The following NCAPH variants were observed in gnomAD, a reference collection of about 807,000 sequenced individuals.
NCAPH encodes the protein non-SMC condensin I complex subunit H, also known as condensin complex subunit 2.
A neutral mutation model predicts 85.5 loss-of-function variants in NCAPH; 38 were observed. The ratio of observed to expected loss-of-function variants is 0.44; its 90% CI spans 0.34 to 0.58. The LOEUF is 0.58. Among genes scored for constraint, NCAPH ranks in the 20% least tolerant of loss-of-function variants. The pLI, the probability that NCAPH is intolerant of heterozygous loss-of-function variation, is 0.01. For synonymous variants in NCAPH, 301 were observed against 335.1 expected, an observed-to-expected ratio of 0.90 and a Z score of 1.11; for missense variants, 789 against 916.6, an observed-to-expected ratio of 0.86 and a Z score of 1.80.
chr2:96,368,454 A>G (rs1470656464), intron 15 of NCAPH, among the ~76,000 whole-genome samples: 4 of 152,182 alleles, frequency 2.6e-5, no homozygotes, highest in Non-Finnish European at 5.9e-5. Flanking sequence ...CAGGTGTTCA[A>G]GACAAGCCTG....
In NCAPH at chr2:96,369,421, C is replaced by G. The variant is rs150427787; in HGVS notation, c.2091-4C>G. 6.5e-3 allele frequency: 10,530 copies of G among 1,613,944 alleles called. 884 individuals are homozygous for G. The Admixed American group carries it at 0.15, about 24-fold the overall frequency. On this transcript the variant is annotated splice_region_variant and splice_polypyrimidine_tract_variant and intron_variant, in intron 16 of 17. Transcript: ENST00000240423. ...GACCTAAATACTTGCCCCTTTCTTT[C>G]CAGCCTGCCCCCTGTCATGGCTCAG... is the stretch of plus-strand genomic sequence containing the variant.
Position 96,373,599 on chromosome 2 carries a change from G to C in NCAPH, c.*248G>C, listed in dbSNP as rs956921570. The C allele has an allele frequency of 1.0e-5, 4 of 401,846 alleles. No homozygotes were observed. The highest frequency in any genetic ancestry group is 1.3e-5 in the Non-Finnish European group (3 of 223,104). The allele number at this position is 401,846 out of a possible 1,614,324, so 24.9% of individuals were successfully genotyped here. A position where few individuals can be genotyped will look rare whatever the true frequency, so the allele number is the denominator to read the frequency against. On this transcript the variant is annotated 3_prime_UTR_variant, in exon 18 of 18. Transcript: ENST00000240423. Reference sequence around the variant, plus strand: ...CCATCTAGGAGAGGGGAGGGCAGAGGGGGTGAGGGTACTATTCTGGATTGA... The same window carrying C: ...CCATCTAGGAGAGGGGAGGGCAGAGCGGGTGAGGGTACTATTCTGGATTGA...
In NCAPH at chr2:96,375,968, C is replaced by T. The variant is rs1465890380; in HGVS notation, c.*2617C>T. Among the ~76,000 whole-genome samples, 1 of 152,338 alleles carries T rather than the reference C, an allele frequency of 6.6e-6. No individual in the cohort carries two copies. Among genetic ancestry groups the T allele is most frequent in the South Asian group, 2.1e-4 (1 of 4,830 alleles). ...CAAGAAGGCTCCCACCAGATATGGA[C>T]TCAACCTGGGACTTTTCAGCCTCCA... On this transcript the variant is annotated 3_prime_UTR_variant, in exon 18 of 18. Coordinates refer to ENST00000240423, the MANE Select transcript of NCAPH (RefSeq NM_015341.5).
intron 3 of NCAPH, 120 bp downstream of exon 3, chr2:96,342,260 A>G: frequency 1.0e-6 from 1 of 979,480 alleles, no homozygotes; most frequent in South Asian, 1.5e-5. Flanking sequence ...GAGTCATCTT[A>G]GTGCTGGTGG....
At chr2:96,356,749 A>G (rs2064530232) in intron 9 of NCAPH, among the ~76,000 whole-genome samples, 1 of 152,120 alleles carries the variant, frequency 6.6e-6, no homozygotes, top group Non-Finnish European at 1.5e-5. Flanking sequence ...TGTGTTCTGC[A>G]CCCAGGGCTG....
intron 6 of NCAPH, 117 bp from the exon 7 acceptor site, chr2:96,351,714 G>A (rs2104449545): frequency 1.4e-6 from 1 of 701,354 alleles, no homozygotes; most frequent in African/African-American, 1.8e-5. Context: ...GACCATGAGT[G>A]GAGATATTTC....
At chr2:96,349,494 GC>G (rs2064408088) in intron 6 of NCAPH, among the ~76,000 whole-genome samples, 1 of 151,902 alleles carries the variant, frequency 6.6e-6, no homozygotes, top group Non-Finnish European at 1.5e-5. Context: ...CAATTCTCCT[GC>G]TTCAGCCACC....
At chr2:96,366,356 G>C (rs1573095022) in intron 14 of NCAPH, among the ~76,000 whole-genome samples, 1 of 152,186 alleles carries the variant, frequency 6.6e-6, no homozygotes, top group African/African-American at 2.4e-5. Context: ...ATTCAGCAAG[G>C]CTAGCTAGCT....
chr2:96,365,398 C>T (rs1322552798), intron 13 of NCAPH, among the ~76,000 whole-genome samples: 1 of 151,950 alleles, frequency 6.6e-6, no homozygotes, highest in Non-Finnish European at 1.5e-5. Context: ...CCTGTGTCCC[C>T]CCACCCCACC....
chr2:96,342,240 A>G, intron 3 of NCAPH, 100 bp downstream of exon 3: 1 of 1,125,816 alleles, frequency 8.9e-7, no homozygotes, highest in Non-Finnish European at 1.3e-6. Context: ...AATGATGATA[A>G]TTCTCTGGTG....
At chr2:96,361,116 T>C (rs1454026338) in intron 12 of NCAPH, among the ~76,000 whole-genome samples, 2 of 149,348 alleles carry the variant, frequency 1.3e-5, no homozygotes, top group Non-Finnish European at 3.0e-5. Context: ...TGGTGCAGTC[T>C]TGGCTCACTG....
intron 9 of NCAPH, among the ~76,000 whole-genome samples, chr2:96,357,069 A>G (rs754203117): frequency 7.2e-5 from 11 of 152,192 alleles, no homozygotes; most frequent in African/African-American, 1.2e-4. Context: ...ATGCTTACAT[A>G]AGGCAGTTAC....
chr2:96,338,728 C>T lies in NCAPH; in HGVS notation c.19+2880C>T, dbSNP rs1238395212. Among the ~76,000 whole-genome samples the T allele has an allele frequency of 2.6e-5, 4 of 152,236 alleles. No individual in the cohort carries two copies. In the East Asian group the frequency reaches 7.7e-4, roughly 29 times the overall value. On this transcript the variant is annotated intron_variant, in intron 1 of 17. Coordinates refer to ENST00000240423, the MANE Select transcript of NCAPH (RefSeq NM_015341.5). Reference sequence around the variant, plus strand: ...CTCTGAAGCTGCAAAAGGCGAGGAACAGATCCTCCTCTCAAAGCCTCCAGA... The same window carrying T: ...CTCTGAAGCTGCAAAAGGCGAGGAATAGATCCTCCTCTCAAAGCCTCCAGA...
At chr2:96,348,455 G>A (rs2064391190) in intron 6 of NCAPH, among the ~76,000 whole-genome samples, 1 of 151,906 alleles carries the variant, frequency 6.6e-6, no homozygotes, top group African/African-American at 2.4e-5. Flanking sequence ...GCCTCCCAAA[G>A]TGCTGGGATT....
intron 14 of NCAPH, among the ~76,000 whole-genome samples, chr2:96,366,876 CAAAAAAAAAAAA>C (rs928006104): frequency 2.4e-4 from 9 of 37,542 alleles, no homozygotes; most frequent in East Asian, 7.5e-4. Flanking sequence ...GACTCCGTCT[CAAAAAAAAAAAA>C]AAAAAAAAAA....
intron 1 of NCAPH, among the ~76,000 whole-genome samples, chr2:96,339,772 C>G (rs1171872651): frequency 2.0e-5 from 3 of 152,072 alleles, no homozygotes; most frequent in African/African-American, 7.2e-5. Context: ...GATCAGTTCT[C>G]AGTCCTCATC....
rs2064668002 is a variant in NCAPH at position 96,364,517 on chromosome 2, G to A, written c.1624G>A (p.Glu542Lys). 6.2e-7 allele frequency: 1 copy of A among 1,613,544 alleles called. No homozygotes were observed. Among genetic ancestry groups the A allele is most frequent in the Non-Finnish European group, 8.5e-7 (1 of 1,179,490 alleles). Residue 542 changes from glutamate (E) to lysine (K), a missense_variant, in exon 13 of 18, where the codon GAG becomes AAG. Transcript: ENST00000240423. ...KMAQGHRVET[E>K]HYEEIEDYDY... ...GGCCCAGGGCCATAGGGTAGAGACT[G>A]AGCATTATGAAGAAATTGAAGACTA...
chr2:96,336,700 G>A (rs1172667818), intron 1 of NCAPH, among the ~76,000 whole-genome samples: 1 of 152,190 alleles, frequency 6.6e-6, no homozygotes, highest in Non-Finnish European at 1.5e-5. Flanking sequence ...TTGGCTCTCA[G>A]GGGAGTTATA....
chr2:96,366,661 G>C (rs982808200), intron 14 of NCAPH, among the ~76,000 whole-genome samples: 2 of 151,996 alleles, frequency 1.3e-5, no homozygotes, highest in East Asian at 1.9e-4. Flanking sequence ...GGCAGATCAC[G>C]ATGTCAGGAG....
Sources: allele counts gnomAD v4.1 joint callset (sites outside exome capture counted in the v4.1 genomes callset), GRCh38; gene constraint gnomAD v4.1.1; transcripts MANE v1.5; gene names NCBI Gene and HGNC (gene_info 2026-07-23, HGNC 2026-07-21).